Variants in RABGAP1L observed in about 807,000 individuals in gnomAD.
RABGAP1L encodes the protein rab GTPase-activating protein 1-like.
Under a neutral mutation model 137.7 loss-of-function variants are expected in RABGAP1L, and 63 were observed. The ratio of observed to expected loss-of-function variants is 0.46; its 90% CI spans 0.37 to 0.56. The LOEUF (loss-of-function observed/expected upper bound fraction) is 0.56. Ranked by LOEUF, RABGAP1L falls within the 20% of genes least tolerant of loss-of-function variation. RABGAP1L has a pLI of 0.00. For synonymous variants in RABGAP1L, 431 were observed against 433.7 expected (o/e 0.99, Z 0.08); for missense variants, 1,095 against 1,244.0 (o/e 0.88, Z 1.80).
intron 10 of RABGAP1L, among the ~76,000 whole-genome samples, chr1:174,297,073 A>G (rs1249743380): frequency 1.3e-5 from 2 of 152,192 alleles, no homozygotes; most frequent in Admixed American, 1.3e-4. Flanking sequence ...AGGTGCTACT[A>G]CTTATTTCTG....
intron 19 of RABGAP1L, among the ~76,000 whole-genome samples, chr1:174,859,854 A>G (rs111830643): frequency 0.02 from 3,048 of 152,124 alleles, 47 homozygotes; most frequent in Middle Eastern, 0.054. Context: ...AAAAGTTAAA[A>G]AAAAATTAGA....
At chr1:174,932,002 T>G (rs1350329900) in intron 19 of RABGAP1L, among the ~76,000 whole-genome samples, 5 of 143,224 alleles carry the variant, frequency 3.5e-5, no homozygotes, top group Admixed American at 3.4e-4. Context: ...TTTTTTTTTT[T>G]TTTTTTTTTT....
At chr1:174,583,154 A>G (rs1471636246) in intron 13 of RABGAP1L, among the ~76,000 whole-genome samples, 1 of 152,194 alleles carries the variant, frequency 6.6e-6, no homozygotes, top group Non-Finnish European at 1.5e-5. Flanking sequence ...CATGTCATCT[A>G]GTTAGCAAAC....
intron 18 of RABGAP1L, among the ~76,000 whole-genome samples, chr1:174,806,946 C>A (rs566252304): frequency 6.6e-5 from 10 of 152,042 alleles, no homozygotes; most frequent in African/African-American, 2.2e-4. Flanking sequence ...CCACTACGCC[C>A]GGCTAATTTT....
At chr1:174,953,846 G>T (rs983667669) in intron 19 of RABGAP1L, among the ~76,000 whole-genome samples, 4 of 152,204 alleles carry the variant, frequency 2.6e-5, no homozygotes, top group Admixed American at 6.5e-5. Context: ...AGCCCCAGGG[G>T]AGAATAGCTG....
chr1:174,902,329 C>A (rs184414089), intron 19 of RABGAP1L, among the ~76,000 whole-genome samples: 2 of 152,200 alleles, frequency 1.3e-5, no homozygotes, highest in East Asian at 1.9e-4. Context: ...GCCTCTCCCC[C>A]CCAGGAACTC....
chr1:174,239,293 C>T (rs147030219), intron 4 of RABGAP1L, among the ~76,000 whole-genome samples: 61 of 152,184 alleles, frequency 4.0e-4, no homozygotes, highest in Non-Finnish European at 6.8e-4. Flanking sequence ...GGCTCCTCTT[C>T]GATAATTTGT....
intron 13 of RABGAP1L, among the ~76,000 whole-genome samples, chr1:174,432,108 T>TGAGG (rs1652707023): frequency 6.6e-6 from 1 of 152,186 alleles, no homozygotes; most frequent in Admixed American, 6.5e-5. Flanking sequence ...CTTACTTTCC[T>TGAGG]CTCTCCTTCC....
intron 19 of RABGAP1L, among the ~76,000 whole-genome samples, chr1:174,934,522 C>T (rs1664412414): frequency 6.6e-6 from 1 of 152,086 alleles, no homozygotes; most frequent in South Asian, 2.1e-4. Flanking sequence ...CATGGTGGCT[C>T]GCGTGTGTAA....
chr1:174,459,276 T>G (rs1253694516), intron 13 of RABGAP1L, among the ~76,000 whole-genome samples: 1 of 152,142 alleles, frequency 6.6e-6, no homozygotes, highest in African/African-American at 2.4e-5. Flanking sequence ...TGTTTTAAAC[T>G]ATTAATAATC....
chr1:174,710,882 TAA>T (rs1458806132), intron 17 of RABGAP1L, among the ~76,000 whole-genome samples: 1 of 152,194 alleles, frequency 6.6e-6, no homozygotes, highest in African/African-American at 2.4e-5. Context: ...GCAAATTGGA[TAA>T]AGAGTCAAGA....
At chr1:174,323,070 T>C (rs1310929151) in intron 11 of RABGAP1L, among the ~76,000 whole-genome samples, 1 of 152,168 alleles carries the variant, frequency 6.6e-6, no homozygotes, top group Non-Finnish European at 1.5e-5. Flanking sequence ...TATTATACAC[T>C]TCAGTGTCAC....
At chr1:174,636,045 C>G (rs764773001) in intron 13 of RABGAP1L, among the ~76,000 whole-genome samples, 2 of 152,078 alleles carry the variant, frequency 1.3e-5, no homozygotes, top group Non-Finnish European at 2.9e-5. Flanking sequence ...GTGAATTGTA[C>G]AAAATATTTT....
Position 174,787,422 on chromosome 1 carries a change from T to A in RABGAP1L, c.2212-24410T>A, listed in dbSNP as rs986726300. Among the ~76,000 whole-genome samples the A allele has an allele frequency of 2.0e-3, 257 of 130,524 alleles. 1 individual carries two copies. Among genetic ancestry groups the A allele is most frequent in the South Asian group, 4.8e-3 (20 of 4,164 alleles). The allele number at this position is 130,524 out of a possible 152,430, so 85.6% of individuals were successfully genotyped here. The stretch of plus-strand genomic sequence containing the variant: ...TGTGTCAAAAAAAAAAAAAAAAAAA[T>A]AAGAGAAAGTGACATCTGACTCTTG... On this transcript the variant is annotated intron_variant, in intron 18 of 25. Coordinates refer to ENST00000681986, the MANE Select transcript of RABGAP1L (RefSeq NM_001366446.1).
intron 13 of RABGAP1L, among the ~76,000 whole-genome samples, chr1:174,434,151 A>ACACACACACACACAC (rs1361968902): frequency 6.8e-6 from 1 of 147,518 alleles, no homozygotes; most frequent in Non-Finnish European, 1.5e-5. Flanking sequence ...ACACACACAC[A>ACACACACACACACAC]CCCTGCCTGG....
intron 17 of RABGAP1L, among the ~76,000 whole-genome samples, chr1:174,717,661 C>T (rs1304556651): frequency 1.3e-5 from 2 of 152,138 alleles, no homozygotes; most frequent in Non-Finnish European, 1.5e-5. Flanking sequence ...CCAGGTATTA[C>T]TTTGCCTATT....
chr1:174,544,113 C>T (rs558532198), intron 13 of RABGAP1L, among the ~76,000 whole-genome samples: 4 of 152,072 alleles, frequency 2.6e-5, no homozygotes, highest in Non-Finnish European at 5.9e-5. Context: ...GTGGCGTTCT[C>T]TGTATTTCCT....
chr1:174,561,184 T>C (rs751321519), intron 13 of RABGAP1L, among the ~76,000 whole-genome samples: 7 of 152,098 alleles, frequency 4.6e-5, no homozygotes, highest in Non-Finnish European at 8.8e-5. Context: ...GGATACAAAA[T>C]CAATGTGCAA....
At chr1:174,542,436 G>A (rs1255132530) in intron 13 of RABGAP1L, among the ~76,000 whole-genome samples, 2 of 152,114 alleles carry the variant, frequency 1.3e-5, no homozygotes, top group African/African-American at 2.4e-5. Context: ...GATCTGTGGT[G>A]ATATCCCCTT....
Sources: gnomAD v4.1 joint callset for allele counts (sites outside exome capture counted in the v4.1 genomes callset) on GRCh38, gnomAD v4.1.1 for gene constraint, MANE v1.5 for transcripts, NCBI Gene and HGNC (gene_info 2026-07-23, HGNC 2026-07-21) for gene names.